The following USP47 variants were observed in gnomAD, a reference collection of about 807,000 sequenced individuals.
USP47 encodes ubiquitin carboxyl-terminal hydrolase 47.
USP47 carries 35 observed loss-of-function variants against 165.1 expected under a neutral mutation model. That is an observed-to-expected ratio of 0.21 (90% CI 0.16 to 0.28). The LOEUF is 0.28. Ranked by LOEUF, USP47 falls within the 10% of genes least tolerant of loss-of-function variation. USP47 has a pLI of 1.00. For missense variants in USP47, 1,277 were observed against 1,607.4 expected, an observed-to-expected ratio of 0.79 and a Z score of 3.52; for synonymous variants, 531 against 544.5, an observed-to-expected ratio of 0.98 and a Z score of 0.35.
chr11:11,872,673 C>T (rs1850144921), intron 1 of USP47, among the ~76,000 whole-genome samples: 1 of 152,140 alleles, frequency 6.6e-6, no homozygotes, highest in Non-Finnish European at 1.5e-5. Flanking sequence ...GCAGGGTGAA[C>T]AGTGTTGGGA....
At chr11:11,898,539 G>T (rs1421504798) in intron 5 of USP47, among the ~76,000 whole-genome samples, 2 of 152,022 alleles carry the variant, frequency 1.3e-5, no homozygotes, top group Non-Finnish European at 2.9e-5. Flanking sequence ...TTGTCATTCT[G>T]TATGCATGTA....
Position 11,842,212 on chromosome 11 carries a change from G to T in USP47, c.27G>T (p.Leu9=). The T allele has an allele frequency of 6.4e-7, 1 of 1,553,788 alleles. No homozygotes were observed. The change falls in exon 1 of 28, where the codon CTG becomes CTT. Residue 9 remains leucine (L), a synonymous_variant. Transcript: ENST00000527733. MVPGEENQ[L]VPKEIENAAE... ...TGGTGCCCGGCGAGGAGAACCAACTGGTCCCGAAAGAGGTGAGGGGCCCCA... is the reference window on the plus strand; with the variant it reads ...TGGTGCCCGGCGAGGAGAACCAACTTGTCCCGAAAGAGGTGAGGGGCCCCA...
intron 4 of USP47, among the ~76,000 whole-genome samples, chr11:11,896,250 AT>A (rs1296055034): frequency 6.6e-6 from 1 of 152,128 alleles, no homozygotes; most frequent in Non-Finnish European, 1.5e-5. Flanking sequence ...CCCCGAAAAC[AT>A]TTTTTTAAGC....
rs994505522 is a variant in USP47, at chr11:11,921,238, TTTTTG to T, written c.1218+764_1218+768del. Among the ~76,000 whole-genome samples, 68 of 151,794 alleles carry T rather than the reference TTTTTG, an allele frequency of 4.5e-4. No individual in the cohort carries two copies. The South Asian group carries it at 7.3e-3, about 16-fold the overall frequency. ...CTCAGAATTACCCTGAAGCGTTTTT[TTTTTG>T]TTTTGTTTTGTTTTGTTTTACTGGA... On this transcript the variant is annotated intron_variant, in intron 10 of 27. Coordinates refer to ENST00000527733, the MANE Select transcript of USP47 (RefSeq NM_001282659.2).
chr11:11,945,849 C>T (rs759555716), intron 20 of USP47, among the ~76,000 whole-genome samples: 2 of 151,416 alleles, frequency 1.3e-5, no homozygotes, highest in African/African-American at 4.9e-5. Context: ...GTGGAAGGAT[C>T]ACTTGAGCCC....
chr11:11,859,978 C>CTA (rs1179697923), intron 1 of USP47, among the ~76,000 whole-genome samples: 12 of 151,734 alleles, frequency 7.9e-5, no homozygotes, highest in Non-Finnish European at 1.0e-4. Flanking sequence ...GTAGCACACG[C>CTA]CTGTAGTTCC....
intron 8 of USP47, 100 bp downstream of exon 8, chr11:11,905,648 C>T (rs892850911): frequency 8.4e-7 from 1 of 1,193,538 alleles, no homozygotes; most frequent in South Asian, 2.7e-5. Flanking sequence ...CTAGATACAC[C>T]TTCTTGGGTT....
intron 4 of USP47, among the ~76,000 whole-genome samples, chr11:11,893,829 C>G (rs142784985): frequency 2.0e-5 from 3 of 152,146 alleles, no homozygotes; most frequent in African/African-American, 7.2e-5. Flanking sequence ...GCCATGGTGC[C>G]CAACTCCAGG....
rs573545545 is a variant in USP47 at position 11,854,122 on chromosome 11, G to A, written c.39+11898G>A. ...TGCACTCCAGCTAGGGGGACAGGGC[G>A]AGACTCCGTCTCAAAAAAAAAAAAA... On this transcript the variant is annotated intron_variant, in intron 1 of 27. Coordinates refer to ENST00000527733, the MANE Select transcript of USP47 (RefSeq NM_001282659.2). Among the ~76,000 whole-genome samples, 2 of 131,702 alleles carry A rather than the reference G, an allele frequency of 1.5e-5. 1 individual carries two copies. 86.4% of individuals were successfully genotyped at this position (131,702 alleles called of 152,430 possible).
chr11:11,938,138 A>G, intron 17 of USP47, 119 bp from the exon 18 acceptor site: 2 of 742,500 alleles, frequency 2.7e-6, no homozygotes, highest in Non-Finnish European at 4.4e-6. Flanking sequence ...TGTTGTTTTC[A>G]TCTGTACTTG....
intron 8 of USP47, among the ~76,000 whole-genome samples, chr11:11,910,951 T>C (rs945828391): frequency 7.9e-5 from 12 of 152,192 alleles, no homozygotes; most frequent in African/African-American, 2.9e-4. Flanking sequence ...TTGATAAATA[T>C]TTTAAAGCAG....
intron 3 of USP47, among the ~76,000 whole-genome samples, chr11:11,888,310 A>G (rs747238835): frequency 2.0e-5 from 3 of 152,122 alleles, no homozygotes; most frequent in Non-Finnish European, 4.4e-5. Flanking sequence ...TAAAATAGAT[A>G]AACTGCTAGT....
At chr11:11,881,920 A>T (rs1379576351) in intron 2 of USP47, among the ~76,000 whole-genome samples, 1 of 152,074 alleles carries the variant, frequency 6.6e-6, no homozygotes. Flanking sequence ...AGACATAAAC[A>T]CTCAGAACAT....
At chr11:11,890,831 T>C (rs1851467116) in intron 3 of USP47, among the ~76,000 whole-genome samples, 1 of 152,204 alleles carries the variant, frequency 6.6e-6, no homozygotes, top group African/African-American at 2.4e-5. Context: ...TATGCATCCA[T>C]AACAACTAAC....
At chr11:11,943,897 CTTATATTT>C (rs1344830612) in intron 20 of USP47, 1 of 151,830 alleles carries the variant, frequency 6.6e-6, no homozygotes, top group African/African-American at 2.4e-5. Flanking sequence ...AATATTACTC[CTTATATTT>C]TTATATTTTA....
chr11:11,858,049 T>C (rs1849158231), intron 1 of USP47, among the ~76,000 whole-genome samples: 2 of 152,208 alleles, frequency 1.3e-5, no homozygotes, highest in South Asian at 4.1e-4. Context: ...GGGAAACCTT[T>C]GGCAGGTATT....
chr11:11,912,937 G>A (rs1371718025), intron 8 of USP47, among the ~76,000 whole-genome samples: 2 of 152,018 alleles, frequency 1.3e-5, no homozygotes, highest in Non-Finnish European at 2.9e-5. Context: ...TAGAAAAGGT[G>A]CTTAATAAAA....
intron 1 of USP47, among the ~76,000 whole-genome samples, chr11:11,869,517 T>C (rs1413593997): frequency 6.6e-6 from 1 of 152,190 alleles, no homozygotes; most frequent in Non-Finnish European, 1.5e-5. Context: ...ATGTTAAATC[T>C]TAAAATCAGG....
In USP47 at chr11:11,879,603, G is replaced by C. The variant is rs547738478; in HGVS notation, c.40-574G>C. On this transcript the variant is annotated intron_variant, in intron 1 of 27. Coordinates refer to ENST00000527733, the MANE Select transcript of USP47 (RefSeq NM_001282659.2). Reference sequence around the variant, plus strand: ...CCTCCTGGCTCATCTGTTTGGATAAGCTTGTCAGCCCCTGACACGTTAATA... The same window carrying C: ...CCTCCTGGCTCATCTGTTTGGATAACCTTGTCAGCCCCTGACACGTTAATA... 2.6e-5 allele frequency among the ~76,000 whole-genome samples: 4 copies of C among 152,162 alleles called. No homozygotes were observed. In the East Asian group the frequency reaches 7.7e-4, roughly 29 times the overall value.
Sources: allele counts gnomAD v4.1 joint callset (sites outside exome capture counted in the v4.1 genomes callset), GRCh38; gene constraint gnomAD v4.1.1; transcripts MANE v1.5; gene names NCBI Gene and HGNC (gene_info 2026-07-23, HGNC 2026-07-21).